SARNP: variants seen among roughly 807,000 people sequenced by gnomAD.
SARNP encodes SAP domain-containing ribonucleoprotein.
SARNP carries 5 observed loss-of-function variants against 38.1 expected under a neutral mutation model. That is an observed-to-expected ratio of 0.13 (90% CI 0.07 to 0.28). The LOEUF is 0.28. Among genes scored for constraint, SARNP ranks in the 10% least tolerant of loss-of-function variants. The probability of loss-of-function intolerance (pLI) is 1.00; values close to 1 mark genes in which losing one functional copy is unlikely to be tolerated. For missense variants in SARNP, 180 were observed against 243.9 expected (o/e 0.74, Z 1.75); for synonymous variants, 84 against 80.6 (o/e 1.04, Z -0.23).
chr12:55,784,898 C>T (rs1190163092), intron 9 of SARNP, among the ~76,000 whole-genome samples: 2 of 152,166 alleles, frequency 1.3e-5, no homozygotes, highest in African/African-American at 2.4e-5. Flanking sequence ...ACTCACAGAG[C>T]ACATCTCAAA....
At chr12:55,760,972 C>T (rs1458521734) in intron 9 of SARNP, among the ~76,000 whole-genome samples, 1 of 151,974 alleles carries the variant, frequency 6.6e-6, no homozygotes, top group African/African-American at 2.4e-5. Flanking sequence ...GTCAGGAGTT[C>T]AACACCAGCC....
At chr12:55,816,629 T>C (rs369880172) in intron 1 of SARNP, among the ~76,000 whole-genome samples, 1 of 152,208 alleles carries the variant, frequency 6.6e-6, no homozygotes, top group East Asian at 1.9e-4. Context: ...CTTTAAAGGA[T>C]CACTTTTCAG....
chr12:55,806,195 C>T (rs576673687), intron 1 of SARNP, among the ~76,000 whole-genome samples: 1 of 152,182 alleles, frequency 6.6e-6, no homozygotes, highest in South Asian at 2.1e-4. Flanking sequence ...CCTCTCTATG[C>T]CTCAGTTTCC....
intron 9 of SARNP, among the ~76,000 whole-genome samples, chr12:55,775,498 T>C (rs1446682893): frequency 0.06 from 5 of 84 alleles, 1 homozygote; most frequent in African/African-American, 0.28. Context: ...GAGGCAGAGA[T>C]TTGCAGTGAG....
At chr12:55,757,597 T>C (rs760846145) in intron 10 of SARNP, 44 bp from the exon 11 acceptor site, 78 of 1,534,002 alleles carry the variant, frequency 5.1e-5, no homozygotes, top group Non-Finnish European at 6.6e-5. Flanking sequence ...CTGAAGACAA[T>C]AGTTGCCTGG....
rs777227015 is a variant in SARNP at position 55,796,091 on chromosome 12, G to A, written c.252-15C>T. 6.3e-6 allele frequency: 10 copies of A among 1,589,466 alleles called. No individual in the cohort carries two copies. The African/African-American group carries it at 6.7e-5, about 11-fold the overall frequency. On this transcript the variant is annotated splice_polypyrimidine_tract_variant and intron_variant, in intron 4 of 10. Transcript: ENST00000336133. ...TCTCTGCTGCCCTAGAAAAGAAAGA[G>A]ATTTTTTAAAATGAGAAAACTGATA... is the stretch of plus-strand genomic sequence containing the variant.
intron 9 of SARNP, among the ~76,000 whole-genome samples, chr12:55,766,370 TG>T (rs1878829581): frequency 6.6e-6 from 1 of 152,128 alleles, no homozygotes; most frequent in South Asian, 2.1e-4. Flanking sequence ...ATACATTCAT[TG>T]GATGTTCAGA....
chr12:55,802,400 T>C (rs908936994), intron 2 of SARNP, among the ~76,000 whole-genome samples: 3 of 151,914 alleles, frequency 2.0e-5, no homozygotes, highest in Non-Finnish European at 4.4e-5. Context: ...GCATCACCAA[T>C]CTGAAAATTC....
chr12:55,754,834 C>G (rs1232609063), downstream of SARNP: 2 of 152,178 alleles, frequency 1.3e-5, no homozygotes, highest in African/African-American at 2.4e-5. Flanking sequence ...CGCAGGGTCT[C>G]AGAGCTAGTG....
chr12:55,816,659 G>C (rs1218125966), intron 1 of SARNP, among the ~76,000 whole-genome samples: 1 of 152,174 alleles, frequency 6.6e-6, no homozygotes, highest in Non-Finnish European at 1.5e-5. Flanking sequence ...TATCAGCCTG[G>C]TTTGTCCAAA....
intron 1 of SARNP, among the ~76,000 whole-genome samples, chr12:55,812,979 C>T (rs1880373016): frequency 6.6e-6 from 1 of 151,938 alleles, no homozygotes; most frequent in African/African-American, 2.4e-5. Flanking sequence ...CGGAGTCTCA[C>T]TCTGTTGCCC....
chr12:55,789,215 G>A (rs1879593268), intron 8 of SARNP, 72 bp from the exon 9 acceptor site: 5 of 1,052,810 alleles, frequency 4.7e-6, no homozygotes, highest in Non-Finnish European at 7.1e-6. Flanking sequence ...AGAAACTATA[G>A]TATGAAGCTA....
intron 9 of SARNP, among the ~76,000 whole-genome samples, chr12:55,772,077 A>G (rs1198768221): frequency 6.6e-5 from 10 of 152,146 alleles, no homozygotes; most frequent in African/African-American, 2.2e-4. Context: ...CTTTATGCCA[A>G]CCAGACGACA....
intron 9 of SARNP, among the ~76,000 whole-genome samples, chr12:55,784,875 A>C (rs756872629): frequency 2.0e-5 from 3 of 152,246 alleles, no homozygotes; most frequent in Non-Finnish European, 4.4e-5. Context: ...TAACCAATGT[A>C]AATGGGATCT....
chr12:55,807,892 G>C (rs1010154889), intron 1 of SARNP, among the ~76,000 whole-genome samples: 2 of 151,634 alleles, frequency 1.3e-5, no homozygotes, highest in Non-Finnish European at 2.9e-5. Context: ...CCACTTCCTG[G>C]AGAACAAGTC....
chr12:55,800,081 C>T (rs1299896389), intron 4 of SARNP, among the ~76,000 whole-genome samples: 1 of 151,768 alleles, frequency 6.6e-6, no homozygotes, highest in Non-Finnish European at 1.5e-5. Context: ...ATCCCAGCTA[C>T]TCGGGAGGCT....
intron 8 of SARNP, 116 bp downstream of exon 8, chr12:55,790,451 A>C: frequency 8.6e-7 from 1 of 1,157,552 alleles, no homozygotes; most frequent in Non-Finnish European, 1.2e-6. Context: ...TGTACTGAAA[A>C]GAGTCAACAA....
intron 1 of SARNP, among the ~76,000 whole-genome samples, chr12:55,811,252 C>T (rs1359320273): frequency 6.6e-6 from 1 of 151,996 alleles, no homozygotes; most frequent in Non-Finnish European, 1.5e-5. Flanking sequence ...AATTCAATAA[C>T]TTGCTTAAAT....
chr12:55,776,301 G>A (rs1020228422), intron 9 of SARNP, among the ~76,000 whole-genome samples: 3 of 152,096 alleles, frequency 2.0e-5, no homozygotes, highest in Non-Finnish European at 2.9e-5. Context: ...GGGTGTGGTG[G>A]TGCATGCCTG....
Sources: allele counts gnomAD v4.1 joint callset (sites outside exome capture counted in the v4.1 genomes callset), GRCh38; gene constraint gnomAD v4.1.1; transcripts MANE v1.5; gene names NCBI Gene and HGNC (gene_info 2026-07-23, HGNC 2026-07-21).